MCF2L: variants seen among roughly 807,000 people sequenced by gnomAD.
MCF2L encodes guanine nucleotide exchange factor DBS.
A neutral mutation model predicts 153.4 loss-of-function variants in MCF2L; 97 were observed. The observed-to-expected ratio is 0.63, with a 90% CI of 0.54 to 0.75. MCF2L has a LOEUF of 0.75. MCF2L is among the 30% of genes least tolerant of loss of function. The probability of loss-of-function intolerance (pLI) is 0.00; values close to 1 mark genes in which losing one functional copy is unlikely to be tolerated. For synonymous variants in MCF2L, 659 were observed against 632.2 expected, an observed-to-expected ratio of 1.04 and a Z score of -0.64; for missense variants, 1,347 against 1,495.2, an observed-to-expected ratio of 0.90 and a Z score of 1.64.
chr13:113,033,337 C>T lies in MCF2L; in HGVS notation c.278+8579C>T, dbSNP rs148320106. Among the ~76,000 whole-genome samples the T allele has an allele frequency of 3.8e-4, 32 of 83,620 alleles. 5 individuals are homozygous for T. Among genetic ancestry groups the T allele is most frequent in the East Asian group, 1.1e-3 (2 of 1,870 alleles). 54.9% of individuals were successfully genotyped at this position (83,620 alleles called of 152,430 possible). A position where few individuals can be genotyped will look rare whatever the true frequency, so the allele number is the denominator to read the frequency against. On this transcript the variant is annotated intron_variant, in intron 3 of 29. Coordinates refer to ENST00000535094, the MANE Select transcript of MCF2L (RefSeq NM_001112732.3). ...TGGCCCCTGTGGCGTGAGTGGCCCC[C>T]GTGACATTAGTGGACCCCGTGGCGT...
At chr13:113,094,905 C>T in intron 27 of MCF2L, 4 of 1,252,884 alleles carry the variant, frequency 3.2e-6, no homozygotes, top group Non-Finnish European at 4.4e-6. Flanking sequence ...TCTTAGGATG[C>T]AGCCCCAGCT....
At chr13:112,928,409 C>T (rs1245993233) in intron 2 of MCF2L, among the ~76,000 whole-genome samples, 1 of 152,216 alleles carries the variant, frequency 6.6e-6, no homozygotes, top group Non-Finnish European at 1.5e-5. Context: ...AATTAATTCT[C>T]TGCGTGAATG....
rs74115774 is a variant in MCF2L, at chr13:113,064,861, C to A, written c.607-75C>A. On this transcript the variant is annotated intron_variant, in intron 6 of 29. Coordinates refer to ENST00000535094, the MANE Select transcript of MCF2L (RefSeq NM_001112732.3). This position sits in a 1 kb window ranked among gnomAD's most constrained non-coding sequence, Gnocchi z 6.0. ...GGGTCTGTGTGGGAACGGTTTCCGCCGGTGTCTGCTTTCAGGGCAGCAGGA... is the reference window on the plus strand; with the variant it reads ...GGGTCTGTGTGGGAACGGTTTCCGCAGGTGTCTGCTTTCAGGGCAGCAGGA... 16 of 1,527,644 alleles carry A rather than the reference C, an allele frequency of 1.0e-5. No individual in the cohort carries two copies. The African/African-American group carries it at 2.1e-4, about 20-fold the overall frequency. The allele number at this position is 1,527,644 out of a possible 1,614,324, so 94.6% of individuals were successfully genotyped here.
chr13:113,094,404 C>T, intron 26 of MCF2L, 110 bp from the exon 27 acceptor site: 2 of 1,183,242 alleles, frequency 1.7e-6, no homozygotes, highest in East Asian at 5.3e-5. Flanking sequence ...TGTTGGGGGC[C>T]CACGGCACAC....
chr13:112,902,395 C>T (rs2081128325), intron 2 of MCF2L: 2 of 1,606,414 alleles, frequency 1.2e-6, no homozygotes, highest in East Asian at 4.5e-5. Context: ...GCTGCGGCCT[C>T]ATTTGATTTT....
chr13:113,074,563 C>T lies in MCF2L; in HGVS notation c.1116C>T (p.Gly372=), dbSNP rs746572486. 50 of 1,613,050 alleles carry T rather than the reference C, an allele frequency of 3.1e-5. No homozygotes were observed. Among genetic ancestry groups the T allele is most frequent in the Middle Eastern group, 1.6e-4 (1 of 6,084 alleles). ...RDLASFEEKS[G]VAVERARALS... ...TGGCCAGCTTCGAGGAGAAATCAGG[C>T]GTAAGGCGGGGTCCCGGCGGGGGCG... is the stretch of plus-strand genomic sequence containing the variant. Residue 372 remains glycine, a splice_region_variant and synonymous_variant, in exon 10 of 30, where the codon GGC becomes GGT. Transcript: ENST00000535094. The surrounding 1 kb of genome is among the most constrained non-coding windows in gnomAD (Gnocchi z 4.2).
At chr13:112,954,121 C>A (rs1337304293) in intron 2 of MCF2L, among the ~76,000 whole-genome samples, 1 of 152,176 alleles carries the variant, frequency 6.6e-6, no homozygotes, top group African/African-American at 2.4e-5. Flanking sequence ...CTGGGACTTG[C>A]TATGCACTTG....
rs572519262 is a variant in MCF2L at position 112,898,114 on chromosome 13, A to G, written c.-5+3683A>G. ...ACGTTATTATTAATACTGGCGATTT[A>G]CAGTGGATGACACGGTGTCGTGAGT... On this transcript the variant is annotated intron_variant, in intron 1 of 29. Transcript: ENST00000375608. Among the ~76,000 whole-genome samples, 8 of 152,298 alleles carry G rather than the reference A, an allele frequency of 5.3e-5. No homozygotes were observed. In the South Asian group the frequency reaches 1.7e-3, roughly 32 times the overall value.
intron 1 of MCF2L, among the ~76,000 whole-genome samples, chr13:113,010,643 C>T (rs571137181): frequency 1.2e-4 from 18 of 152,326 alleles, no homozygotes; most frequent in South Asian, 1.0e-3. Flanking sequence ...TGCCTCTGCC[C>T]GCGTGGCAGG....
At position 112,941,549 on chromosome 13, in the gene MCF2L, G is replaced by A. The variant is rs927309369; in HGVS notation, c.169+39178G>A. 1.5e-4 allele frequency among the ~76,000 whole-genome samples: 23 copies of A among 151,630 alleles called. No homozygotes were observed. The highest frequency in any genetic ancestry group is 1.5e-4 in the African/African-American group (6 of 41,284). ...GCGCAGGTGTGGATGTCAGGTGATC[G>A]AGTTCACAAACAGCCTTGATGTTGT... On this transcript the variant is annotated intron_variant, in intron 2 of 29. Coordinates refer to the MCF2L transcript ENST00000375608. This position sits in a 1 kb window ranked among gnomAD's most constrained non-coding sequence, Gnocchi z 4.9.
At chr13:112,986,375 A>C (rs1370505879) in intron 1 of MCF2L, among the ~76,000 whole-genome samples, 1 of 152,194 alleles carries the variant, frequency 6.6e-6, no homozygotes, top group Non-Finnish European at 1.5e-5. Context: ...CACGGAGAGA[A>C]ATGCGCATCA....
intron 27 of MCF2L, chr13:113,095,690 C>G (rs1052549217): frequency 2.0e-6 from 2 of 992,178 alleles, no homozygotes; most frequent in South Asian, 4.6e-5. Flanking sequence ...CAGTCACCGT[C>G]CTCCTGCTCC....
intron 3 of MCF2L, among the ~76,000 whole-genome samples, chr13:113,034,664 A>G (rs2086030674): frequency 6.7e-6 from 1 of 148,882 alleles, no homozygotes; most frequent in Admixed American, 6.6e-5. Context: ...CCCTGGTCTC[A>G]CCCTCACCCT....
chr13:113,049,891 G>T (rs532068403), intron 4 of MCF2L, among the ~76,000 whole-genome samples: 2 of 152,324 alleles, frequency 1.3e-5, no homozygotes, highest in East Asian at 3.9e-4. Flanking sequence ...GCATGGCTTG[G>T]AATAGAAAAA....
Position 113,035,436 on chromosome 13 carries a change from T to C in MCF2L, c.279-9835T>C, listed in dbSNP as rs906255053. On this transcript the variant is annotated intron_variant, in intron 3 of 29. Coordinates refer to ENST00000535094, the MANE Select transcript of MCF2L (RefSeq NM_001112732.3). The surrounding 1 kb of genome is among the most constrained non-coding windows in gnomAD (Gnocchi z 4.4). ...TGGCGGGAAACCAGGTCCTCTGACCTCACCCGGCTCTGCAGTCTGTTTTGC... is the reference window on the plus strand; with the variant it reads ...TGGCGGGAAACCAGGTCCTCTGACCCCACCCGGCTCTGCAGTCTGTTTTGC... 2.0e-5 allele frequency among the ~76,000 whole-genome samples: 3 copies of C among 152,126 alleles called. No homozygotes were observed. The highest frequency in any genetic ancestry group is 4.8e-5 in the African/African-American group (2 of 41,430).
At chr13:112,898,761 C>G (rs982620122) in intron 1 of MCF2L, among the ~76,000 whole-genome samples, 1 of 152,214 alleles carries the variant, frequency 6.6e-6, no homozygotes, top group East Asian at 1.9e-4. Flanking sequence ...TCCAGACTCT[C>G]CTTGTCCATC....
chr13:112,948,799 C>T (rs1019882560), intron 2 of MCF2L, among the ~76,000 whole-genome samples: 1 of 152,236 alleles, frequency 6.6e-6, no homozygotes, highest in East Asian at 1.9e-4. Context: ...GGCATGGTCA[C>T]TCATGCCTGT....
chr13:113,094,990 G>A (rs759225369), intron 27 of MCF2L: 2 of 1,378,628 alleles, frequency 1.5e-6, no homozygotes. Flanking sequence ...GCCTCCTGTA[G>A]AGCCCACTCG....
At chr13:112,962,055 G>T (rs2185001) in intron 2 of MCF2L, among the ~76,000 whole-genome samples, 35,943 of 96,942 alleles carry the variant, frequency 0.37, 4,584 homozygotes, top group South Asian at 0.47. Context: ...ACACGGACAC[G>T]CACACACATG....
Sources: gnomAD v4.1 joint callset for allele counts (sites outside exome capture counted in the v4.1 genomes callset) on GRCh38, gnomAD v4.1.1 for gene constraint, Gnocchi (gnomAD v3.1) non-coding constraint, MANE v1.5 for transcripts, NCBI Gene and HGNC (gene_info 2026-07-23, HGNC 2026-07-21) for gene names.